PLEKHG4B: variants seen among roughly 807,000 people sequenced by gnomAD.
The protein encoded by PLEKHG4B is pleckstrin homology domain-containing family G member 4B.
PLEKHG4B carries 111 observed loss-of-function variants against 121.3 expected under a neutral mutation model. The observed-to-expected ratio is 0.92, with a 90% confidence interval of 0.78 to 1.07. The LOEUF (loss-of-function observed/expected upper bound fraction) is 1.07. PLEKHG4B is among the 50% of genes least tolerant of loss of function. The probability of loss-of-function intolerance (pLI) is 0.00; values close to 1 mark genes in which losing one functional copy is unlikely to be tolerated. For missense variants in PLEKHG4B, 1,831 were observed against 1,757.8 expected, an observed-to-expected ratio of 1.04 and a Z score of -0.74; for synonymous variants, 738 against 725.0, an observed-to-expected ratio of 1.02 and a Z score of -0.29.
At chr5:174,858 A>G (rs1736704071) in intron 18 of PLEKHG4B, among the ~76,000 whole-genome samples, 1 of 152,070 alleles carries the variant, frequency 6.6e-6, no homozygotes. Flanking sequence ...GTCAGAAATG[A>G]AGGGGCTGAG....
At chr5:107,754 T>G (rs189131162) in intron 1 of PLEKHG4B, among the ~76,000 whole-genome samples, 3 of 152,168 alleles carry the variant, frequency 2.0e-5, no homozygotes, top group Non-Finnish European at 4.4e-5. Context: ...TTCTCTGCAC[T>G]TGCCCTGGTG....
rs758288750 is a variant in PLEKHG4B at position 172,909 on chromosome 5, G to C, written c.4063G>C (p.Glu1355Gln). The change falls in exon 17 of 20, where the codon GAA (glutamate) becomes CAA (glutamine). Residue 1355 changes from glutamate (E) to glutamine (Q), a missense_variant. Glu to Gln is a conservative substitution (Grantham distance 29). Coordinates refer to ENST00000637938, the MANE Select transcript of PLEKHG4B (RefSeq NM_052909.5). Reference protein sequence around the residue: ...AIRGCDVNLKEQGQLRCRDEF... With the variant: ...AIRGCDVNLKQQGQLRCRDEF... ...TGTTCCTCTGCAGGTGAATTTGAAG[G>C]AACAGGGGCAGCTGAGATGCCGGGA... 75 of 1,614,190 alleles carry C rather than the reference G, an allele frequency of 4.6e-5. No individual in the cohort carries two copies. The highest frequency in any genetic ancestry group is 6.3e-5 in the Non-Finnish European group (74 of 1,180,030).
chr5:155,140 C>T, intron 8 of PLEKHG4B, 149 bp downstream of exon 8: 1 of 863,684 alleles, frequency 1.2e-6, no homozygotes, highest in Admixed American at 2.1e-5. Context: ...TCTACACAAC[C>T]ACGCCGTGGT....
At chr5:130,070 T>A (rs12332745) in intron 2 of PLEKHG4B, among the ~76,000 whole-genome samples, 18,156 of 130,896 alleles carry the variant, frequency 0.14, 2,430 homozygotes, top group African/African-American at 0.35. Flanking sequence ...GAAGAGAGAG[T>A]GAGAGAGAGA....
At position 169,501 on chromosome 5, in the gene PLEKHG4B, A is replaced by C. The variant is rs766487615; in HGVS notation, c.3638A>C (p.Lys1213Thr). ...KHHVIFGNLE[K>T]LHDFHQQHFL... ...CACGTTATTTTCGGCAACTTGGAGA[A>C]GCTCCACGACTTCCACCAGCAGCAC... The change falls in exon 14 of 20, where the codon AAG becomes ACG. Residue 1213 changes from lysine to threonine, a missense_variant. By Grantham distance (78) the Lys-to-Thr change is moderately conservative. Coordinates refer to ENST00000637938, the MANE Select transcript of PLEKHG4B (RefSeq NM_052909.5). The C allele has an allele frequency of 6.2e-7, 1 of 1,614,208 alleles. No individual in the cohort carries two copies. Among genetic ancestry groups the C allele is most frequent in the Non-Finnish European group, 8.5e-7 (1 of 1,180,052 alleles).
intron 1 of PLEKHG4B, among the ~76,000 whole-genome samples, chr5:109,986 A>G (rs367863834): frequency 1.3e-5 from 2 of 151,056 alleles, no homozygotes; most frequent in African/African-American, 4.9e-5. Context: ...TTGCTCTGCA[A>G]CACACATGCA....
chr5:142,374 GAC>G (rs1349486646), intron 3 of PLEKHG4B, among the ~76,000 whole-genome samples: 2 of 149,502 alleles, frequency 1.3e-5, no homozygotes, highest in Non-Finnish European at 3.0e-5. Context: ...TTCCACATAC[GAC>G]ACGCACACAG....
intron 7 of PLEKHG4B, among the ~76,000 whole-genome samples, chr5:152,228 T>C (rs1006141243): frequency 1.3e-5 from 2 of 151,274 alleles, no homozygotes; most frequent in African/African-American, 4.9e-5. Context: ...TTTCCTTTCC[T>C]GAGACAGCAT....
chr5:137,058 C>A lies in PLEKHG4B; in HGVS notation c.244-2425C>A, dbSNP rs188591291. Among the ~76,000 whole-genome samples, 1 of 152,146 alleles carries A rather than the reference C, an allele frequency of 6.6e-6. No individual in the cohort carries two copies. The highest frequency in any genetic ancestry group is 1.5e-5 in the Non-Finnish European group (1 of 68,038). ...TGGATAGCAAAATATAGTATGTACA[C>A]GCAATGGAAGATTATGCAACCCTCA... On this transcript the variant is annotated intron_variant, in intron 2 of 19. Transcript: ENST00000637938. This position sits in a 1 kb window ranked among gnomAD's most constrained non-coding sequence, Gnocchi z 4.2.
chr5:130,148 C>T lies in PLEKHG4B; in HGVS notation c.244-9335C>T, dbSNP rs555164002. 2.0e-4 allele frequency among the ~76,000 whole-genome samples: 31 copies of T among 152,054 alleles called. No homozygotes were observed. In the South Asian group the frequency reaches 6.2e-3, roughly 31 times the overall value. On this transcript the variant is annotated intron_variant, in intron 2 of 19. Transcript: ENST00000637938. Reference sequence around the variant, plus strand: ...ACTTGGCTGAAGCAAAGAGTGACACCACAAAGAGAAGGAAATTGATGGCAG... The same window carrying T: ...ACTTGGCTGAAGCAAAGAGTGACACTACAAAGAGAAGGAAATTGATGGCAG...
intron 7 of PLEKHG4B, among the ~76,000 whole-genome samples, chr5:154,335 A>T (rs1022519534): frequency 7.3e-5 from 11 of 151,494 alleles, no homozygotes; most frequent in Admixed American, 5.9e-4. Context: ...TCTTTTTTTT[A>T]CAAAGCCACC....
At chr5:135,141 T>C (rs1433771556) in intron 2 of PLEKHG4B, among the ~76,000 whole-genome samples, 1 of 122,488 alleles carries the variant, frequency 8.2e-6, no homozygotes. Context: ...TGAGCCGAGA[T>C]CACACCACTG....
chr5:109,678 A>C (rs1734080347), intron 1 of PLEKHG4B, among the ~76,000 whole-genome samples: 1 of 152,232 alleles, frequency 6.6e-6, no homozygotes, highest in East Asian at 1.9e-4. Flanking sequence ...TTTCAATAAA[A>C]TTTTAAAGTT....
At chr5:109,070 G>T (rs1029089660) in intron 1 of PLEKHG4B, among the ~76,000 whole-genome samples, 2 of 152,076 alleles carry the variant, frequency 1.3e-5, no homozygotes, top group African/African-American at 4.8e-5. Context: ...GGGAACTGGG[G>T]CAGAGCAGGG....
intron 13 of PLEKHG4B, chr5:169,081 G>T (rs1290923510): frequency 6.3e-6 from 3 of 479,258 alleles, no homozygotes; most frequent in Non-Finnish European, 7.5e-6. Flanking sequence ...TCACCATGTT[G>T]GCCAGGCTGG....
At chr5:126,692 G>T (rs183254881) in intron 2 of PLEKHG4B, among the ~76,000 whole-genome samples, 1 of 152,132 alleles carries the variant, frequency 6.6e-6, no homozygotes, top group African/African-American at 2.4e-5. Flanking sequence ...AAGCGGCACT[G>T]TTTTCTGGGG....
chr5:106,028 T>A (rs1181166775), intron 1 of PLEKHG4B, among the ~76,000 whole-genome samples: 1 of 152,242 alleles, frequency 6.6e-6, no homozygotes, highest in Non-Finnish European at 1.5e-5. Flanking sequence ...AATTTTCTTT[T>A]AGATTGGTGT....
chr5:138,695 G>T (rs559764846), intron 2 of PLEKHG4B, among the ~76,000 whole-genome samples: 21 of 152,324 alleles, frequency 1.4e-4, no homozygotes, highest in Admixed American at 6.5e-4. Flanking sequence ...AACATGATTG[G>T]TGGGTGGGTT....
intron 6 of PLEKHG4B, among the ~76,000 whole-genome samples, chr5:146,653 G>T (rs1361571214): frequency 1.2e-5 from 1 of 86,064 alleles, no homozygotes; most frequent in Non-Finnish European, 2.2e-5. Flanking sequence ...TAACTCTGGA[G>T]TCCTCCCTCA....
Sources: gnomAD v4.1 joint callset for allele counts (sites outside exome capture counted in the v4.1 genomes callset) on GRCh38, gnomAD v4.1.1 for gene constraint, Gnocchi (gnomAD v3.1) non-coding constraint, MANE v1.5 for transcripts, NCBI Gene and HGNC (gene_info 2026-07-23, HGNC 2026-07-21) for gene names.